MAP1B: variants seen among roughly 807,000 people sequenced by gnomAD.
MAP1B encodes the protein microtubule associated protein 1B.
Under a neutral mutation model 176.1 loss-of-function variants are expected in MAP1B, and 12 were observed. The ratio of observed to expected loss-of-function variants is 0.07; its 90% CI spans 0.04 to 0.11. The LOEUF is 0.11. MAP1B is among the 10% of genes least tolerant of loss of function. The probability of loss-of-function intolerance (pLI) is 1.00; values close to 1 mark genes in which losing one functional copy is unlikely to be tolerated. For synonymous variants in MAP1B, 1,044 were observed against 1,135.0 expected (o/e 0.92, Z 1.61); for missense variants, 2,523 against 2,990.5 (o/e 0.84, Z 3.65).
chr5:72,126,784 A>C (rs1745640571), intron 2 of MAP1B, among the ~76,000 whole-genome samples: 1 of 152,256 alleles, frequency 6.6e-6, no homozygotes, highest in Admixed American at 6.5e-5. Context: ...TTTAGGAAAG[A>C]TGCACAGCTT....
At chr5:72,167,407 G>A (rs544062386) in intron 2 of MAP1B, among the ~76,000 whole-genome samples, 1 of 152,126 alleles carries the variant, frequency 6.6e-6, no homozygotes, top group East Asian at 1.9e-4. Flanking sequence ...GTATGAGCTG[G>A]TTCTCTCTCT....
rs1747108402 is a variant in MAP1B, at chr5:72,194,723, T to C, written c.1368T>C (p.Gly456=). Residue 456 remains glycine (G), a synonymous_variant, in exon 5 of 7, where the codon GGT becomes GGC. Transcript: ENST00000296755. The surrounding 1 kb of genome is among the most constrained non-coding windows in gnomAD (Gnocchi z 7.2). ...AGGCTGAATTCATTCTGCCTAATGG[T>C]CAAGAAGTAGATCTCCCGATTTCCT... ...KDKAEFILPN[G]QEVDLPISYL... is the part of the protein sequence containing the mutation. The C allele has an allele frequency of 6.2e-7, 1 of 1,614,188 alleles. No individual in the cohort carries two copies. Among genetic ancestry groups the C allele is most frequent in the Non-Finnish European group, 8.5e-7 (1 of 1,180,036 alleles).
Position 72,197,064 on chromosome 5 carries a change from T to A in MAP1B, c.3709T>A (p.Leu1237Met). The change falls in exon 5 of 7, where the codon TTG becomes ATG. Residue 1237 changes from leucine to methionine, a missense_variant. Coordinates refer to ENST00000296755, the MANE Select transcript of MAP1B (RefSeq NM_005909.5). Reference sequence around the variant, plus strand: ...CTCTGAAGTGAAAGCCAGCACCACTTTGGACATCAAAGATAGCATCTCAGC... The same window carrying A: ...CTCTGAAGTGAAAGCCAGCACCACTATGGACATCAAAGATAGCATCTCAGC... ...YCSEVKASTT[L>M]DIKDSISAVS... The A allele has an allele frequency of 6.2e-7, 1 of 1,614,184 alleles. No individual in the cohort carries two copies. The highest frequency in any genetic ancestry group is 2.2e-5 in the East Asian group (1 of 44,880).
chr5:72,206,879 T>A lies in MAP1B; in HGVS notation c.*1640T>A, dbSNP rs1301967960. ...AGTGCTACTTGAGAGTGGGGGAGAA[T>A]GGCATGGTAGGCTACTTTTCAGGGC... On this transcript the variant is annotated 3_prime_UTR_variant, in exon 7 of 7. Transcript: ENST00000296755. 3 of 152,106 alleles carry A rather than the reference T, an allele frequency of 2.0e-5. No individual in the cohort carries two copies. The highest frequency in any genetic ancestry group is 7.2e-5 in the African/African-American group (3 of 41,416). 9.4% of individuals were successfully genotyped at this position (152,106 alleles called of 1,614,324 possible).
At position 72,198,323 on chromosome 5, in the gene MAP1B, A is replaced by G. The variant is rs752609121; in HGVS notation, c.4968A>G (p.Gln1656=). 1.9e-6 allele frequency: 3 copies of G among 1,614,032 alleles called. No homozygotes were observed. The highest frequency in any genetic ancestry group is 2.5e-6 in the Non-Finnish European group (3 of 1,180,030). Residue 1656 remains glutamine (Q), a synonymous_variant, in exon 5 of 7, where the codon CAA becomes CAG. Transcript: ENST00000296755. ...SIEFGQESPE[Q]SLAMDFSRQS... ...AATTTGGCCAAGAATCTCCTGAGCA[A>G]TCCCTTGCTATGGACTTCAGTCGAC...
chr5:72,109,892 T>A (rs1745289729), intron 1 of MAP1B, among the ~76,000 whole-genome samples: 1 of 152,244 alleles, frequency 6.6e-6, no homozygotes, highest in South Asian at 2.1e-4. Context: ...TCCTGCTTTG[T>A]TACTCATCTG....
intron 2 of MAP1B, among the ~76,000 whole-genome samples, chr5:72,121,304 G>A (rs766787748): frequency 1.3e-5 from 2 of 152,208 alleles, no homozygotes; most frequent in Admixed American, 6.5e-5. Context: ...ACGTTGCCAG[G>A]TTTAAGAAAC....
chr5:72,199,705 A>T lies in MAP1B; in HGVS notation c.6350A>T (p.Glu2117Val), dbSNP rs755381870. The change falls in exon 5 of 7, where the codon GAA becomes GTA. Residue 2117 changes from glutamate (E) to valine (V), a missense_variant. By Grantham distance (121) the Glu-to-Val change is moderately radical (BLOSUM62 -2). Coordinates refer to ENST00000296755, the MANE Select transcript of MAP1B (RefSeq NM_005909.5). The surrounding 1 kb of genome is among the most constrained non-coding windows in gnomAD (Gnocchi z 4.2). Reference protein sequence around the residue: ...LEWFASEEPTEESEKPLTQSG... With the variant: ...LEWFASEEPTVESEKPLTQSG... ...TGGTTTGCCAGTGAAGAACCCACTG[A>T]AGAATCTGAAAAGCCCCTCACTCAA... is the stretch of plus-strand genomic sequence containing the variant. The T allele has an allele frequency of 3.7e-6, 6 of 1,614,128 alleles. No homozygotes were observed. In the Admixed American group the frequency reaches 6.7e-5, roughly 18 times the overall value.
At chr5:72,150,264 T>TA (rs2112165006) in intron 2 of MAP1B, among the ~76,000 whole-genome samples, 1 of 152,390 alleles carries the variant, frequency 6.6e-6, no homozygotes, top group Non-Finnish European at 1.5e-5. Flanking sequence ...TTTAATATTT[T>TA]ATACCGTTAT....
intron 2 of MAP1B, among the ~76,000 whole-genome samples, chr5:72,140,455 T>C (rs908097388): frequency 5.9e-5 from 9 of 152,202 alleles, no homozygotes; most frequent in South Asian, 2.1e-4. Context: ...TACAGTAAAG[T>C]ATTGCAGCCT....
At chr5:72,163,916 C>CTTTTTTTTTTTTTT (rs796802217) in intron 2 of MAP1B, among the ~76,000 whole-genome samples, 2 of 97,098 alleles carry the variant, frequency 2.1e-5, no homozygotes, top group Admixed American at 1.3e-4. Flanking sequence ...CTCTCTCTCT[C>CTTTTTTTTTTTTTT]TTTTTTTTTT....
chr5:72,121,804 C>G (rs1276247084), intron 2 of MAP1B, among the ~76,000 whole-genome samples: 1 of 152,192 alleles, frequency 6.6e-6, no homozygotes, highest in Non-Finnish European at 1.5e-5. Flanking sequence ...ATCAACTGCT[C>G]TATGACAGGG....
intron 2 of MAP1B, among the ~76,000 whole-genome samples, chr5:72,132,688 T>A (rs1353049922): frequency 6.6e-6 from 1 of 152,252 alleles, no homozygotes; most frequent in Non-Finnish European, 1.5e-5. Context: ...CTGTTTTTAT[T>A]GTTCTCTGTC....
Position 72,203,827 on chromosome 5 carries a change from A to AC in MAP1B, c.7251+27dup. On this transcript the variant is annotated intron_variant, in intron 6 of 6. Transcript: ENST00000296755. ...GTGAGAACTCCTCGACAGTGTCTGC[A>AC]CTGCCGATTGAGCTGTGTCCAGAGG... The AC allele has an allele frequency of 2.5e-6, 4 of 1,601,064 alleles. No homozygotes were observed. In the Admixed American group the frequency reaches 5.0e-5, roughly 20 times the overall value.
In MAP1B at chr5:72,194,690, C is replaced by G; in HGVS notation, c.1335C>G (p.Asn445Lys). Residue 445 changes from asparagine (N) to lysine (K), a missense_variant, in exon 5 of 7, where the codon AAC becomes AAG. By Grantham distance (94) the Asn-to-Lys change is moderately conservative (BLOSUM62 0). Around this residue, in one of 4 missense-constraint regions of MAP1B, gnomAD observed 1,925 missense variants for 2,126.0 expected, o/e 0.91. Transcript: ENST00000296755. This position sits in a 1 kb window ranked among gnomAD's most constrained non-coding sequence, Gnocchi z 7.2. ...TTATGCAGCAGTGGACTGGTACCAACAAAGACAAGGCTGAATTCATTCTGC... is the reference window on the plus strand; with the variant it reads ...TTATGCAGCAGTGGACTGGTACCAAGAAAGACAAGGCTGAATTCATTCTGC... ...QYFMQQWTGT[N>K]KDKAEFILPN... 1 of 1,614,184 alleles carries G rather than the reference C, an allele frequency of 6.2e-7. No individual in the cohort carries two copies. Among genetic ancestry groups the G allele is most frequent in the East Asian group, 2.2e-5 (1 of 44,882 alleles).
At chr5:72,119,665 AC>A (rs1470640674) in intron 2 of MAP1B, among the ~76,000 whole-genome samples, 1 of 151,918 alleles carries the variant, frequency 6.6e-6, no homozygotes, top group Non-Finnish European at 1.5e-5. Flanking sequence ...GCACCATCAC[AC>A]CTAGGTAATT....
chr5:72,142,054 C>A (rs189228737), intron 2 of MAP1B, among the ~76,000 whole-genome samples: 1 of 152,116 alleles, frequency 6.6e-6, no homozygotes, highest in Non-Finnish European at 1.5e-5. Context: ...GAATGCAGTC[C>A]CCAGCCCCAA....
rs753031479 is a variant in MAP1B at position 72,196,730 on chromosome 5, G to T, written c.3375G>T (p.Glu1125Asp). The T allele has an allele frequency of 1.2e-6, 2 of 1,614,132 alleles. No individual in the cohort carries two copies. The highest frequency in any genetic ancestry group is 1.7e-6 in the Non-Finnish European group (2 of 1,180,018). The change falls in exon 5 of 7, where the codon GAG becomes GAT. Residue 1125 changes from glutamate (E) to aspartate (D), a missense_variant. Physicochemically the swap from Glu to Asp is conservative, Grantham distance 45. Coordinates refer to ENST00000296755, the MANE Select transcript of MAP1B (RefSeq NM_005909.5). This position sits in a 1 kb window ranked among gnomAD's most constrained non-coding sequence, Gnocchi z 5.3. ...ATSGYTQSTI[E>D]ISSEPTPMDE... ...CTGGCTACACTCAGTCTACTATTGA[G>T]ATATCCAGTGAGCCCACCCCCATGG... is the stretch of plus-strand genomic sequence containing the variant.
chr5:72,177,682 A>G (rs1161536820), intron 2 of MAP1B, among the ~76,000 whole-genome samples: 2 of 152,210 alleles, frequency 1.3e-5, no homozygotes, highest in Non-Finnish European at 2.9e-5. Flanking sequence ...GGAGCTGGAA[A>G]TGATTTCACA....
Sources: gnomAD v4.1 joint callset for allele counts (sites outside exome capture counted in the v4.1 genomes callset) on GRCh38, gnomAD v4.1.1 for gene constraint, gnomAD v4.1.1 regional missense constraint, Gnocchi (gnomAD v3.1) non-coding constraint, MANE v1.5 for transcripts, NCBI Gene and HGNC (gene_info 2026-07-23, HGNC 2026-07-21) for gene names.